Variants in DAP observed in about 807,000 individuals in gnomAD.
DAP encodes death associated protein.
A neutral mutation model predicts 13.8 loss-of-function variants in DAP; 8 were observed. The observed-to-expected ratio is 0.58, with a 90% CI of 0.34 to 1.05. The LOEUF is 1.05. Among genes scored for constraint, DAP ranks in the 50% least tolerant of loss-of-function variants. The pLI is 0.03. For synonymous variants in DAP, 47 were observed against 47.5 expected (o/e 0.99, Z 0.04); for missense variants, 106 against 133.2 (o/e 0.80, Z 1.01).
intron 2 of DAP, among the ~76,000 whole-genome samples, chr5:10,728,792 T>C (rs1467501412): frequency 6.6e-6 from 1 of 152,080 alleles, no homozygotes; most frequent in Non-Finnish European, 1.5e-5. Context: ...GTGGCACCCT[T>C]GTGTCAAAGT....
intron 1 of DAP, among the ~76,000 whole-genome samples, chr5:10,749,808 T>C (rs553419229): frequency 1.8e-4 from 27 of 148,082 alleles, no homozygotes; most frequent in African/African-American, 3.5e-4. Flanking sequence ...CAGTGTTCCA[T>C]GAACAGAATT....
chr5:10,683,468 C>G, intron 3 of DAP, 61 bp downstream of exon 3: 1 of 1,501,046 alleles, frequency 6.7e-7, no homozygotes, highest in Non-Finnish European at 9.3e-7. Context: ...CAGAAGCAAC[C>G]AGGAGACTCC....
At chr5:10,716,317 A>G (rs1738989696) in intron 2 of DAP, among the ~76,000 whole-genome samples, 2 of 151,368 alleles carry the variant, frequency 1.3e-5, no homozygotes, top group Admixed American at 6.6e-5. Context: ...AACTCCTTCG[A>G]AGTCTAGATA....
At chr5:10,745,973 G>C (rs766969326) in intron 2 of DAP, among the ~76,000 whole-genome samples, 1 of 152,108 alleles carries the variant, frequency 6.6e-6, no homozygotes, top group Non-Finnish European at 1.5e-5. Context: ...TAACTTGTAC[G>C]GAGGCAAAAC....
intron 2 of DAP, among the ~76,000 whole-genome samples, chr5:10,722,265 C>T (rs1242156414): frequency 6.6e-6 from 1 of 152,096 alleles, no homozygotes; most frequent in Admixed American, 6.6e-5. Flanking sequence ...TCTAATCAGC[C>T]ATCAACAAAT....
chr5:10,694,036 G>T (rs1738373177), intron 2 of DAP, among the ~76,000 whole-genome samples: 2 of 152,130 alleles, frequency 1.3e-5, no homozygotes, highest in Admixed American at 1.3e-4. Context: ...GTGGAGCCCG[G>T]GAGGAAGCGC....
At chr5:10,703,413 G>T (rs953341042) in intron 2 of DAP, among the ~76,000 whole-genome samples, 3 of 152,116 alleles carry the variant, frequency 2.0e-5, no homozygotes, top group Non-Finnish European at 4.4e-5. Flanking sequence ...GGCAGGGGGG[G>T]TGTCACCGAC....
chr5:10,681,364 CCCACCAGCGCCCCT>C, intron 3 of DAP, among the ~76,000 whole-genome samples, 195 bp from the exon 4 acceptor site: 1 of 87,464 alleles, frequency 1.1e-5, no homozygotes, highest in South Asian at 3.5e-4. Context: ...CAGGCCAGGG[CCCACCAGCGCCCCT>C]GCAGGAAGCA....
intron 2 of DAP, among the ~76,000 whole-genome samples, chr5:10,688,943 A>G (rs62337568): frequency 0.089 from 13,530 of 152,130 alleles, 843 homozygotes; most frequent in African/African-American, 0.17. Flanking sequence ...GCTATCAGGA[A>G]TCTGTCTCCA....
At chr5:10,693,208 G>A (rs1422234019) in intron 2 of DAP, among the ~76,000 whole-genome samples, 1 of 152,056 alleles carries the variant, frequency 6.6e-6, no homozygotes, top group Non-Finnish European at 1.5e-5. Flanking sequence ...CCCACTGAAA[G>A]TAATCAAAAT....
chr5:10,740,860 G>A (rs1187985848), intron 2 of DAP, among the ~76,000 whole-genome samples: 1 of 152,236 alleles, frequency 6.6e-6, no homozygotes, highest in Non-Finnish European at 1.5e-5. Context: ...AACATTAGAT[G>A]TGCATAATGA....
chr5:10,757,798 C>T (rs1271709018), intron 1 of DAP, among the ~76,000 whole-genome samples: 2 of 152,024 alleles, frequency 1.3e-5, no homozygotes, highest in South Asian at 2.1e-4. Context: ...GGTGTGGGCC[C>T]GGTTTGCTAT....
At position 10,754,405 on chromosome 5, in the gene DAP, T is replaced by C. The variant is rs115549358; in HGVS notation, c.56-6134A>G. Among the ~76,000 whole-genome samples, 753 of 152,326 alleles carry C rather than the reference T, an allele frequency of 4.9e-3. 6 individuals carry two copies. Among genetic ancestry groups the C allele is most frequent in the African/African-American group, 0.017 (709 of 41,558 alleles). ...TACTTTCCTGAATTTGCACTCTCGT[T>C]GGCTTCATACTGCTATTCTGTGCTC... is the stretch of plus-strand genomic sequence containing the variant. On this transcript the variant is annotated intron_variant, in intron 1 of 3. Transcript: ENST00000230895.
At chr5:10,759,754 T>TG (rs1740292406) in intron 1 of DAP, among the ~76,000 whole-genome samples, 1 of 143,336 alleles carries the variant, frequency 7.0e-6, no homozygotes, top group Non-Finnish European at 1.5e-5. Context: ...CTTTTTTTTT[T>TG]TTTTTTTTTT....
Position 10,761,111 on chromosome 5 carries a change from C to T in DAP, c.-43G>A. On this transcript the variant is annotated 5_prime_UTR_variant, in exon 1 of 4. Transcript: ENST00000230895. ...GCGGGGCCGAGGCGGCGGCGCGGTT[C>T]TCGGGCCGGGCGGGCGTGCGCGAGT... 2 of 1,147,024 alleles carry T rather than the reference C, an allele frequency of 1.7e-6. No homozygotes were observed. Among genetic ancestry groups the T allele is most frequent in the Non-Finnish European group, 2.2e-6 (2 of 911,834 alleles). 71.1% of individuals were successfully genotyped at this position (1,147,024 alleles called of 1,614,324 possible).
chr5:10,700,467 C>A (rs1287038237), intron 2 of DAP, among the ~76,000 whole-genome samples: 1 of 152,184 alleles, frequency 6.6e-6, no homozygotes, highest in Non-Finnish European at 1.5e-5. Flanking sequence ...CTGCTGGGAC[C>A]TGTAGGAAGG....
chr5:10,717,176 GA>G (rs1182850689), intron 2 of DAP, among the ~76,000 whole-genome samples: 1 of 152,158 alleles, frequency 6.6e-6, no homozygotes, highest in Non-Finnish European at 1.5e-5. Flanking sequence ...AGAAAATGAT[GA>G]ACTCAGGGAT....
intron 2 of DAP, among the ~76,000 whole-genome samples, chr5:10,688,150 A>G (rs1365694037): frequency 6.6e-6 from 1 of 152,020 alleles, no homozygotes; most frequent in Non-Finnish European, 1.5e-5. Flanking sequence ...TCCTGGCCTC[A>G]AGTGATCTAC....
In DAP at chr5:10,756,350, T is replaced by C. The variant is rs916885900; in HGVS notation, c.55+4664A>G. The stretch of plus-strand genomic sequence containing the variant: ...AGCAAATCTGTGACCACAGGGTTAA[T>C]AGAAGACAAATTAGTCTTCTGTTTC... On this transcript the variant is annotated intron_variant, in intron 1 of 3. Transcript: ENST00000230895. 7.6e-5 allele frequency among the ~76,000 whole-genome samples: 7 copies of C among 91,692 alleles called. 1 individual carries two copies. The highest frequency in any genetic ancestry group is 3.3e-4 in the East Asian group (1 of 3,062). 60.2% of individuals were successfully genotyped at this position (91,692 alleles called of 152,430 possible).
Sources: allele counts gnomAD v4.1 joint callset (sites outside exome capture counted in the v4.1 genomes callset), GRCh38; gene constraint gnomAD v4.1.1; transcripts MANE v1.5; gene names NCBI Gene and HGNC (gene_info 2026-07-23, HGNC 2026-07-21).